FAM78B: variants seen among roughly 807,000 people sequenced by gnomAD.
The protein encoded by FAM78B is family with sequence similarity 78 member B.
A neutral mutation model predicts 20.0 loss-of-function variants in FAM78B; 10 were observed. The observed-to-expected ratio is 0.50, with a 90% CI of 0.31 to 0.85. The LOEUF (loss-of-function observed/expected upper bound fraction) is 0.85. Among genes scored for constraint, FAM78B ranks in the 40% least tolerant of loss-of-function variants. The pLI is 0.05. For missense variants in FAM78B, 283 were observed against 345.0 expected, an observed-to-expected ratio of 0.82 and a Z score of 1.42; for synonymous variants, 135 against 132.8, an observed-to-expected ratio of 1.02 and a Z score of -0.12.
rs560287760 is a variant in FAM78B at position 166,088,774 on chromosome 1, G to T, written c.264-18011C>A. Among the ~76,000 whole-genome samples the T allele has an allele frequency of 3.9e-5, 6 of 152,292 alleles. No homozygotes were observed. In the South Asian group the frequency reaches 1.2e-3, roughly 32 times the overall value. On this transcript the variant is annotated intron_variant, in intron 1 of 1. Coordinates refer to ENST00000354422, the MANE Select transcript of FAM78B (RefSeq NM_001017961.5). The stretch of plus-strand genomic sequence containing the variant: ...TTGGCCAACCACGGGGAGGGGCAGA[G>T]GGGGCAGACACTGGGTGAATCTGGG...
intron 1 of FAM78B, 76 bp from the exon 2 acceptor site, chr1:166,070,839 C>T (rs1651998975): frequency 6.9e-7 from 1 of 1,456,034 alleles, no homozygotes; most frequent in South Asian, 1.5e-5. Context: ...GTGCTCACTG[C>T]TTACTAACAT....
At chr1:166,140,219 C>G (rs776971517) in intron 1 of FAM78B, among the ~76,000 whole-genome samples, 15 of 152,246 alleles carry the variant, frequency 9.9e-5, no homozygotes, top group Non-Finnish European at 1.9e-4. Context: ...TTCACTCTTT[C>G]CCGTAGCACA....
intron 1 of FAM78B, among the ~76,000 whole-genome samples, chr1:166,105,084 G>A (rs1653714833): frequency 6.6e-6 from 1 of 152,000 alleles, no homozygotes; most frequent in African/African-American, 2.4e-5. Context: ...TGACAAACCT[G>A]ACAAAAACAA....
At chr1:166,086,436 G>C (rs1362029377) in intron 1 of FAM78B, among the ~76,000 whole-genome samples, 1 of 152,206 alleles carries the variant, frequency 6.6e-6, no homozygotes, top group Non-Finnish European at 1.5e-5. Context: ...TGGGAAGATG[G>C]AAGGGGCTTC....
chr1:166,121,398 A>G (rs1478344995), intron 1 of FAM78B, among the ~76,000 whole-genome samples: 1 of 152,190 alleles, frequency 6.6e-6, no homozygotes, highest in Non-Finnish European at 1.5e-5. Context: ...AGACCCAGGG[A>G]AAGTGTCCAC....
rs1015304129 is a variant in FAM78B, at chr1:166,078,661, CCA to C, written c.264-7900_264-7899del. The stretch of plus-strand genomic sequence containing the variant: ...CAGAGCAACTTCTCTGAAAAGAACC[CCA>C]CTTTGCTCCCCCTGAAGCCCTGCAG... On this transcript the variant is annotated intron_variant, in intron 1 of 1. Transcript: ENST00000354422. Among the ~76,000 whole-genome samples, 27 of 152,160 alleles carry C rather than the reference CCA, an allele frequency of 1.8e-4. 1 individual carries two copies. Among genetic ancestry groups the C allele is most frequent in the African/African-American group, 5.6e-4 (23 of 41,432 alleles).
At chr1:166,138,475 C>G (rs1644630275) in intron 1 of FAM78B, among the ~76,000 whole-genome samples, 1 of 152,148 alleles carries the variant, frequency 6.6e-6, no homozygotes, top group Admixed American at 6.5e-5. Context: ...CTGCATCTAC[C>G]TTATCTCTCT....
chr1:166,077,888 AAT>A (rs1349844759), intron 1 of FAM78B, among the ~76,000 whole-genome samples: 1 of 2,608 alleles, frequency 3.8e-4, no homozygotes, highest in East Asian at 0.02. Context: ...ATATATAATA[AAT>A]ATATATAATT....
chr1:166,108,100 C>T (rs528992133), intron 1 of FAM78B, among the ~76,000 whole-genome samples: 1 of 152,212 alleles, frequency 6.6e-6, no homozygotes, highest in African/African-American at 2.4e-5. Context: ...AGGATGCCCA[C>T]CCTCACCACT....
rs573287795 is a variant in FAM78B at position 166,137,081 on chromosome 1, A to G, written c.263+28905T>C. ...ATCTATAGAAAAGGAGTGTTCCAGG[A>G]TGACGTGATGTAGAGAGCATGAGGT... On this transcript the variant is annotated intron_variant, in intron 1 of 1. Transcript: ENST00000354422. 3.9e-5 allele frequency among the ~76,000 whole-genome samples: 6 copies of G among 152,336 alleles called. No homozygotes were observed. The East Asian group carries it at 5.8e-4, about 15-fold the overall frequency.
At chr1:166,081,000 T>C (rs1490184398) in intron 1 of FAM78B, among the ~76,000 whole-genome samples, 1 of 152,222 alleles carries the variant, frequency 6.6e-6, no homozygotes, top group African/African-American at 2.4e-5. Context: ...TTTGCAACCA[T>C]GATTACAGAG....
rs535471893 is a variant in FAM78B, at chr1:166,121,284, T to C, written c.263+44702A>G. Among the ~76,000 whole-genome samples, 243 of 152,108 alleles carry C rather than the reference T, an allele frequency of 1.6e-3. 1 individual carries two copies. Among genetic ancestry groups the C allele is most frequent in the African/African-American group, 5.7e-3 (235 of 41,518 alleles). On this transcript the variant is annotated intron_variant, in intron 1 of 1. Coordinates refer to ENST00000354422, the MANE Select transcript of FAM78B (RefSeq NM_001017961.5). ...TCCCACCACAGGTGTGTAGCTGTGG[T>C]GGGATACTGAGGTCCTCAGGACCAG...
chr1:166,084,247 T>A (rs879772987), intron 1 of FAM78B, among the ~76,000 whole-genome samples: 2,096 of 139,004 alleles, frequency 0.015, 12 homozygotes, highest in Non-Finnish European at 0.021. Context: ...ACTCTCTCTC[T>A]CTCTCTCTCT....
intron 1 of FAM78B, among the ~76,000 whole-genome samples, chr1:166,079,379 T>C (rs1652475395): frequency 6.6e-6 from 1 of 152,168 alleles, no homozygotes; most frequent in Non-Finnish European, 1.5e-5. Flanking sequence ...AGCCCAAATG[T>C]CCCTAAACAT....
At chr1:166,149,443 T>C (rs1655596016) in intron 1 of FAM78B, among the ~76,000 whole-genome samples, 1 of 152,204 alleles carries the variant, frequency 6.6e-6, no homozygotes, top group Admixed American at 6.5e-5. Flanking sequence ...TCCAAGGTCT[T>C]TTCAGCTTCA....
intron 1 of FAM78B, among the ~76,000 whole-genome samples, chr1:166,147,250 T>C (rs571236141): frequency 2.9e-4 from 44 of 152,278 alleles, no homozygotes; most frequent in African/African-American, 1.0e-3. Context: ...CTAGGGGTTG[T>C]TGAAGGTAAC....
downstream of FAM78B, among the ~76,000 whole-genome samples, chr1:166,064,635 A>C (rs1651733509): frequency 6.6e-6 from 1 of 152,172 alleles, no homozygotes; most frequent in Non-Finnish European, 1.5e-5. Context: ...CACTCTCCGC[A>C]GGGGCCAGGC....
At chr1:166,146,584 G>A (rs535748008) in intron 1 of FAM78B, among the ~76,000 whole-genome samples, 2 of 152,282 alleles carry the variant, frequency 1.3e-5, no homozygotes, top group African/African-American at 4.8e-5. Flanking sequence ...CAAGGGCAAG[G>A]GGGGTCTGAG....
chr1:166,096,362 T>C (rs1653275411), intron 1 of FAM78B, among the ~76,000 whole-genome samples: 1 of 152,184 alleles, frequency 6.6e-6, no homozygotes, highest in African/African-American at 2.4e-5. Context: ...GCTGCTTACA[T>C]CTGTGGATGG....
Sources: gnomAD v4.1 joint callset for allele counts (sites outside exome capture counted in the v4.1 genomes callset) on GRCh38, gnomAD v4.1.1 for gene constraint, MANE v1.5 for transcripts, NCBI Gene and HGNC (gene_info 2026-07-23, HGNC 2026-07-21) for gene names.